FAM124B: variants seen among roughly 807,000 people sequenced by gnomAD.
FAM124B encodes the protein family with sequence similarity 124 member B.
FAM124B carries 18 observed loss-of-function variants against 19.7 expected under a neutral mutation model. That is an observed-to-expected ratio of 0.92 (90% CI 0.63 to 1.36). The LOEUF (loss-of-function observed/expected upper bound fraction) is 1.36. Among genes scored for constraint, FAM124B ranks in the 40% most tolerant of loss-of-function variants. The pLI, the probability that FAM124B is intolerant of heterozygous loss-of-function variation, is 0.00. For missense variants in FAM124B, 540 were observed against 553.3 expected, an observed-to-expected ratio of 0.98 and a Z score of 0.24; for synonymous variants, 223 against 225.2, an observed-to-expected ratio of 0.99 and a Z score of 0.09.
At chr2:224,380,789 G>T (rs375411144) in intron 1 of FAM124B, among the ~76,000 whole-genome samples, 137 of 152,282 alleles carry the variant, frequency 9.0e-4, no homozygotes, top group African/African-American at 3.1e-3. Flanking sequence ...CATTTATTTA[G>T]ATTAGAGGCC....
rs1389195472 is a variant in FAM124B at position 224,401,480 on chromosome 2, A to G, written c.289T>C (p.Tyr97His). ...DSLQHSPWQC[Y>H]PTQDTRGRLC... ...CTTCCCCGAGTGTCCTGGGTGGGGT[A>G]GCACTGCCATGGCGAATGCTGGAGA... Residue 97 changes from tyrosine to histidine, a missense_variant, in exon 1 of 2, where the codon TAC (tyrosine) becomes CAC (histidine). Physicochemically the swap from Tyr to His is moderately conservative, Grantham distance 83 (BLOSUM62 2). Coordinates refer to ENST00000409685, the MANE Select transcript of FAM124B (RefSeq NM_001122779.2). 2 of 1,614,044 alleles carry G rather than the reference A, an allele frequency of 1.2e-6. No homozygotes were observed. Among genetic ancestry groups the G allele is most frequent in the African/African-American group, 2.7e-5 (2 of 74,926 alleles).
chr2:224,395,526 G>C (rs1280752872), intron 1 of FAM124B, among the ~76,000 whole-genome samples: 1 of 152,178 alleles, frequency 6.6e-6, no homozygotes, highest in Non-Finnish European at 1.5e-5. Context: ...CAGAGGGACT[G>C]TTTGAACGAA....
At position 224,401,960 on chromosome 2, in the gene FAM124B, G is replaced by A. The variant is rs1440690638; in HGVS notation, c.-192C>T. 2 of 598,774 alleles carry A rather than the reference G, an allele frequency of 3.3e-6. No homozygotes were observed. Among genetic ancestry groups the A allele is most frequent in the Admixed American group, 3.0e-5 (1 of 33,202 alleles). 37.1% of individuals were successfully genotyped at this position (598,774 alleles called of 1,614,324 possible). Reference sequence around the variant, plus strand: ...CACCCGTGGACTTACGGCAAGAGAAGCTCACACCAGCTCGGGTTCAGCAGC... The same window carrying A: ...CACCCGTGGACTTACGGCAAGAGAAACTCACACCAGCTCGGGTTCAGCAGC... On this transcript the variant is annotated 5_prime_UTR_variant, in exon 1 of 2. Transcript: ENST00000409685.
At position 224,396,029 on chromosome 2, in the gene FAM124B, A is replaced by G. The variant is rs186689603; in HGVS notation, c.732+5008T>C. On this transcript the variant is annotated intron_variant, in intron 1 of 1. Coordinates refer to ENST00000409685, the MANE Select transcript of FAM124B (RefSeq NM_001122779.2). ...TTTCACCAAGGATAGAATAGAAGCT[A>G]CTTAGCCAGGGTTCATTTGTAGAAG... Among the ~76,000 whole-genome samples, 384 of 152,342 alleles carry G rather than the reference A, an allele frequency of 2.5e-3. 4 individuals are homozygous for G. The highest frequency in any genetic ancestry group is 8.9e-3 in the African/African-American group (372 of 41,580).
chr2:224,385,508 C>G (rs186416191), intron 1 of FAM124B, among the ~76,000 whole-genome samples: 1 of 152,324 alleles, frequency 6.6e-6, no homozygotes, highest in Non-Finnish European at 1.5e-5. Context: ...TCAGGGGCAT[C>G]TAGGCCTTCA....
intron 1 of FAM124B, among the ~76,000 whole-genome samples, chr2:224,381,707 G>A (rs573971015): frequency 6.6e-6 from 1 of 152,214 alleles, no homozygotes; most frequent in Admixed American, 6.5e-5. Flanking sequence ...ATGTGTCGTT[G>A]TAGGTTGATC....
rs1209451343 is a variant in FAM124B, at chr2:224,379,815, G to T, written c.1126C>A (p.Gln376Lys). 1.3e-6 allele frequency: 2 copies of T among 1,551,920 alleles called. No individual in the cohort carries two copies. Among genetic ancestry groups the T allele is most frequent in the East Asian group, 2.4e-5 (1 of 40,924 alleles). ...CTTGGAAATCCGCCAAAATAAGTCT[G>T]CCTGGGTTCAGAATTTATGATGGTC... ...GLTIINSEPR[Q>K]TYFGGFPRDL... is the part of the protein sequence containing the mutation. The change falls in exon 2 of 2, where the codon CAG (glutamine) becomes AAG (lysine). Residue 376 changes from glutamine (Q) to lysine (K), a missense_variant. Gln to Lys is a moderately conservative substitution (Grantham distance 53). Transcript: ENST00000409685.
chr2:224,390,701 TTTG>T lies in FAM124B; in HGVS notation c.732+10333_732+10335del, dbSNP rs1254524458. 2.4e-4 allele frequency among the ~76,000 whole-genome samples: 21 copies of T among 89,148 alleles called. No homozygotes were observed. The South Asian group carries it at 6.5e-3, about 27-fold the overall frequency. 58.5% of individuals were successfully genotyped at this position (89,148 alleles called of 152,430 possible). On this transcript the variant is annotated intron_variant, in intron 1 of 1. Transcript: ENST00000409685. ...CAATACTTGTCAACAAACTTTTTTT[TTTG>T]TTTGTTTGTTTTTTAAGACAGAGTC...
chr2:224,392,608 A>C (rs1689905743), intron 1 of FAM124B, among the ~76,000 whole-genome samples: 1 of 152,094 alleles, frequency 6.6e-6, no homozygotes, highest in African/African-American at 2.4e-5. Context: ...TACAAAAATT[A>C]GCCGGGCATG....
chr2:224,388,494 C>A (rs1689832454), intron 1 of FAM124B, among the ~76,000 whole-genome samples: 1 of 152,138 alleles, frequency 6.6e-6, no homozygotes, highest in African/African-American at 2.4e-5. Flanking sequence ...TGTATGATTT[C>A]ATTTATATGA....
chr2:224,395,054 A>G (rs536236684), intron 1 of FAM124B, among the ~76,000 whole-genome samples: 11 of 152,302 alleles, frequency 7.2e-5, no homozygotes, highest in Admixed American at 6.5e-4. Context: ...GAGGTTTATC[A>G]TTTAATTTAT....
rs1690077069 is a variant in FAM124B at position 224,401,650 on chromosome 2, C to T, written c.119G>A (p.Arg40Gln). The change falls in exon 1 of 2, where the codon CGG (arginine) becomes CAG (glutamine). Residue 40 changes from arginine (R) to glutamine (Q), a missense_variant. By Grantham distance (43) the Arg-to-Gln change is conservative. Coordinates refer to ENST00000409685, the MANE Select transcript of FAM124B (RefSeq NM_001122779.2). Reference protein sequence around the residue: ...QLLDCICPEVRLFQVSERASP... With the variant: ...QLLDCICPEVQLFQVSERASP... ...GGCCCGTTCAGACACCTGAAAGAGC[C>T]GGACCTCTGGGCAAATGCAATCCAG... The T allele has an allele frequency of 2.5e-6, 4 of 1,614,046 alleles. No homozygotes were observed. Among genetic ancestry groups the T allele is most frequent in the Admixed American group, 3.3e-5 (2 of 60,010 alleles).
chr2:224,378,725 G>A lies in FAM124B; in HGVS notation c.*848C>T, dbSNP rs1209111503. 6.6e-6 allele frequency: 1 copy of A among 152,174 alleles called. No homozygotes were observed. 9.4% of individuals were successfully genotyped at this position (152,174 alleles called of 1,614,324 possible). Reference sequence around the variant, plus strand: ...GGTATTCAAAAAATGTTTATTGAATGAACATATATAAATGAATGAATGAGT... The same window carrying A: ...GGTATTCAAAAAATGTTTATTGAATAAACATATATAAATGAATGAATGAGT... On this transcript the variant is annotated 3_prime_UTR_variant, in exon 2 of 2. Coordinates refer to ENST00000409685, the MANE Select transcript of FAM124B (RefSeq NM_001122779.2).
At chr2:224,383,795 A>G (rs1689761163) in intron 1 of FAM124B, among the ~76,000 whole-genome samples, 4 of 152,210 alleles carry the variant, frequency 2.6e-5, no homozygotes, top group Non-Finnish European at 5.9e-5. Context: ...CTCTTGGAGA[A>G]TCATTTGACA....
chr2:224,397,030 T>G lies in FAM124B; in HGVS notation c.732+4007A>C, dbSNP rs79610937. Among the ~76,000 whole-genome samples, 530 of 152,144 alleles carry G rather than the reference T, an allele frequency of 3.5e-3. 6 individuals are homozygous for G. The highest frequency in any genetic ancestry group is 0.025 in the East Asian group (129 of 5,182). ...CCAAGGAAGTTTAGGCTGGATTTTCTTTTCTTTTCTTCTCTTCTCTCCTCT... is the reference window on the plus strand; with the variant it reads ...CCAAGGAAGTTTAGGCTGGATTTTCGTTTCTTTTCTTCTCTTCTCTCCTCT... On this transcript the variant is annotated intron_variant, in intron 1 of 1. Transcript: ENST00000409685.
intron 1 of FAM124B, among the ~76,000 whole-genome samples, chr2:224,384,756 C>A (rs938855386): frequency 1.3e-5 from 2 of 152,156 alleles, no homozygotes; most frequent in South Asian, 2.1e-4. Flanking sequence ...TCACTGCTAC[C>A]GCGAAACTTA....
intron 1 of FAM124B, among the ~76,000 whole-genome samples, chr2:224,390,249 G>T (rs1325134732): frequency 6.6e-6 from 1 of 151,886 alleles, no homozygotes; most frequent in African/African-American, 2.4e-5. Flanking sequence ...GAAGGCAGGA[G>T]TGGCCCACGT....
Position 224,380,020 on chromosome 2 carries a change from G to T in FAM124B, c.921C>A (p.Asp307Glu), listed in dbSNP as rs1018907466. ...TTTTCCACGAAGTGCCAGCACACCTGTCTGATGTGGGGCTCCCACTGGGCT... is the reference window on the plus strand; with the variant it reads ...TTTTCCACGAAGTGCCAGCACACCTTTCTGATGTGGGGCTCCCACTGGGCT... ...LPEPSGSPTSDRCAGTSWKSP... is the reference protein window; with the variant it reads ...LPEPSGSPTSERCAGTSWKSP... The change falls in exon 2 of 2, where the codon GAC (aspartate) becomes GAA (glutamate). Residue 307 changes from aspartate (D) to glutamate (E), a missense_variant. Asp to Glu is a conservative substitution (Grantham distance 45). Transcript: ENST00000409685. 3 of 1,551,694 alleles carry T rather than the reference G, an allele frequency of 1.9e-6. No individual in the cohort carries two copies. Among genetic ancestry groups the T allele is most frequent in the African/African-American group, 2.7e-5 (2 of 73,162 alleles).
chr2:224,401,884 A>G lies in FAM124B; in HGVS notation c.-116T>C. The G allele has an allele frequency of 1.6e-6, 2 of 1,248,742 alleles. No individual in the cohort carries two copies. Among genetic ancestry groups the G allele is most frequent in the Non-Finnish European group, 2.2e-6 (2 of 905,026 alleles). The allele number at this position is 1,248,742 out of a possible 1,614,324, so 77.4% of individuals were successfully genotyped here. On this transcript the variant is annotated 5_prime_UTR_variant, in exon 1 of 2. Coordinates refer to ENST00000409685, the MANE Select transcript of FAM124B (RefSeq NM_001122779.2). Reference sequence around the variant, plus strand: ...AGCCCGCCTGAAAACCTTCAGCTGCAGCGGCTACTTCTGAGCAGAGCTCTT... The same window carrying G: ...AGCCCGCCTGAAAACCTTCAGCTGCGGCGGCTACTTCTGAGCAGAGCTCTT...
Sources: gnomAD v4.1 joint callset for allele counts (sites outside exome capture counted in the v4.1 genomes callset) on GRCh38, gnomAD v4.1.1 for gene constraint, MANE v1.5 for transcripts, NCBI Gene and HGNC (gene_info 2026-07-23, HGNC 2026-07-21) for gene names.